SLIT3: variants seen among roughly 807,000 people sequenced by gnomAD.
SLIT3 encodes the protein slit guidance ligand 3, also known as slit homolog 3 protein.
Under a neutral mutation model 184.0 loss-of-function variants are expected in SLIT3, and 68 were observed. That is an observed-to-expected ratio of 0.37 (90% CI 0.30 to 0.45). The LOEUF (loss-of-function observed/expected upper bound fraction) is 0.45, where lower values mean the gene tolerates loss of function less well. SLIT3 is among the 20% of genes least tolerant of loss of function. The pLI, the probability that SLIT3 is intolerant of heterozygous loss-of-function variation, is 1.00. For missense variants in SLIT3, 1,707 were observed against 2,026.0 expected, an observed-to-expected ratio of 0.84 and a Z score of 3.02; for synonymous variants, 831 against 828.6, an observed-to-expected ratio of 1.00 and a Z score of -0.05.
At chr5:168,815,511 C>T (rs549265659) in intron 8 of SLIT3, among the ~76,000 whole-genome samples, 3 of 152,190 alleles carry the variant, frequency 2.0e-5, no homozygotes, top group East Asian at 1.9e-4. Context: ...TACCCTTTGC[C>T]GAATAATTAC....
At chr5:169,216,992 G>A (rs1189813884) in intron 3 of SLIT3, among the ~76,000 whole-genome samples, 1 of 152,102 alleles carries the variant, frequency 6.6e-6, no homozygotes, top group Non-Finnish European at 1.5e-5. Context: ...TGGGAGTCCA[G>A]CTACCAACAC....
At chr5:169,084,190 C>T (rs1374641213) in intron 4 of SLIT3, among the ~76,000 whole-genome samples, 2 of 152,140 alleles carry the variant, frequency 1.3e-5, no homozygotes, top group East Asian at 1.9e-4. Context: ...CTCACACACA[C>T]CTCTGTTGGT....
chr5:169,157,323 T>G (rs1244728810), intron 4 of SLIT3, among the ~76,000 whole-genome samples: 1 of 152,080 alleles, frequency 6.6e-6, no homozygotes, highest in Non-Finnish European at 1.5e-5. Flanking sequence ...CACCCAGCAG[T>G]AAAGAAGCCA....
At chr5:169,186,444 C>A (rs1309853924) in intron 4 of SLIT3, among the ~76,000 whole-genome samples, 1 of 152,184 alleles carries the variant, frequency 6.6e-6, no homozygotes, top group Admixed American at 6.5e-5. Context: ...GTAGTTTAAG[C>A]CACTCGGTGT....
At chr5:169,121,611 A>G (rs952096386) in intron 4 of SLIT3, among the ~76,000 whole-genome samples, 5 of 152,232 alleles carry the variant, frequency 3.3e-5, no homozygotes, top group Non-Finnish European at 7.3e-5. Context: ...CTATGAGGTG[A>G]AAACAATCTC....
At chr5:169,270,803 G>T (rs6555852) in intron 1 of SLIT3, among the ~76,000 whole-genome samples, 90,980 of 152,052 alleles carry the variant, frequency 0.6, 28,174 homozygotes, top group African/African-American at 0.76. Flanking sequence ...CTGCACTTGG[G>T]GGACAGAAGT....
chr5:168,751,561 A>C (rs1404722920), intron 18 of SLIT3, among the ~76,000 whole-genome samples: 2 of 152,186 alleles, frequency 1.3e-5, no homozygotes, highest in African/African-American at 2.4e-5. Context: ...CAAGAGGCAC[A>C]GCCAGGATCT....
intron 16 of SLIT3, among the ~76,000 whole-genome samples, chr5:168,755,404 T>A (rs575351213): frequency 5.0e-5 from 1 of 20,058 alleles, no homozygotes; most frequent in Admixed American, 4.4e-4. Context: ...TTTCTTTCTT[T>A]CTTTCTTTCT....
intron 4 of SLIT3, among the ~76,000 whole-genome samples, chr5:169,159,888 T>C (rs970613251): frequency 1.3e-5 from 2 of 152,214 alleles, no homozygotes; most frequent in African/African-American, 4.8e-5. Flanking sequence ...CCTTTCCCAT[T>C]TTTTGTTTTT....
intron 4 of SLIT3, among the ~76,000 whole-genome samples, chr5:169,128,333 A>G (rs915981195): frequency 6.6e-6 from 1 of 150,934 alleles, no homozygotes; most frequent in African/African-American, 2.4e-5. Flanking sequence ...TTTGTCTGAA[A>G]CACTGCCCTA....
At chr5:169,093,179 G>A (rs1759652315) in intron 4 of SLIT3, among the ~76,000 whole-genome samples, 1 of 152,176 alleles carries the variant, frequency 6.6e-6, no homozygotes, top group South Asian at 2.1e-4. Context: ...GGTGAGGTAA[G>A]TATTATCAAG....
rs567675055 is a variant in SLIT3 at position 169,010,888 on chromosome 5, G to A, written c.414-127552C>T. ...CGCGCCACTGCACTCCAGCCTGGGC[G>A]ACAGAGTGAGACTCTGTTTCCAAAA... On this transcript the variant is annotated intron_variant, in intron 4 of 35. Coordinates refer to ENST00000519560, the MANE Select transcript of SLIT3 (RefSeq NM_003062.4). Among the ~76,000 whole-genome samples the A allele has an allele frequency of 7.5e-5, 11 of 146,810 alleles. No homozygotes were observed. In the South Asian group the frequency reaches 2.0e-3, roughly 26 times the overall value.
chr5:168,800,604 G>T (rs1182640743), intron 9 of SLIT3, among the ~76,000 whole-genome samples: 1 of 152,076 alleles, frequency 6.6e-6, no homozygotes, highest in African/African-American at 2.4e-5. Flanking sequence ...AAGAAAGAAA[G>T]AAAGAAAGGT....
intron 20 of SLIT3, among the ~76,000 whole-genome samples, chr5:168,738,429 G>T (rs540397953): frequency 6.6e-6 from 1 of 152,142 alleles, no homozygotes; most frequent in East Asian, 1.9e-4. Flanking sequence ...TTAATGTCCC[G>T]TATGACAAAA....
chr5:169,237,724 G>T (rs1765252881), intron 3 of SLIT3, among the ~76,000 whole-genome samples: 1 of 152,042 alleles, frequency 6.6e-6, no homozygotes, highest in Non-Finnish European at 1.5e-5. Context: ...GTGCCTATTT[G>T]AATCTTTTGT....
intron 3 of SLIT3, among the ~76,000 whole-genome samples, chr5:169,230,488 T>G (rs1764966587): frequency 6.6e-6 from 1 of 152,272 alleles, no homozygotes; most frequent in Non-Finnish European, 1.5e-5. Context: ...ATATGTAATC[T>G]AATTATTTGT....
At chr5:168,755,393 CTT>C (rs1313458489) in intron 16 of SLIT3, among the ~76,000 whole-genome samples, 5 of 9,528 alleles carry the variant, frequency 5.2e-4, no homozygotes, top group East Asian at 3.5e-3. Flanking sequence ...GCCGCCATTT[CTT>C]TCTTTCTTTC....
intron 15 of SLIT3, 38 bp downstream of exon 15, chr5:168,762,501 G>T (rs748643047): frequency 4.4e-6 from 7 of 1,596,806 alleles, no homozygotes; most frequent in Admixed American, 1.7e-5. Context: ...ACTGGCGTGT[G>T]GGGAGGAGTA....
chr5:168,851,353 GA>G (rs1758674807), intron 5 of SLIT3, among the ~76,000 whole-genome samples: 1 of 150,748 alleles, frequency 6.6e-6, no homozygotes, highest in Non-Finnish European at 1.5e-5. Context: ...AGTTACGGGG[GA>G]CAAGCAGAGA....
Sources: allele counts gnomAD v4.1 joint callset (sites outside exome capture counted in the v4.1 genomes callset), GRCh38; gene constraint gnomAD v4.1.1; transcripts MANE v1.5; gene names NCBI Gene and HGNC (gene_info 2026-07-23, HGNC 2026-07-21).